Variants in LIPE observed in about 807,000 individuals in gnomAD.
LIPE encodes the protein hormone-sensitive lipase.
In LIPE, 66 loss-of-function variants were observed where a neutral mutation model predicts 88.5. The ratio of observed to expected loss-of-function variants is 0.75; its 90% CI spans 0.61 to 0.91. LIPE has a LOEUF of 0.91. LIPE is among the 40% of genes least tolerant of loss of function. The pLI is 0.00. For missense variants in LIPE, 1,346 were observed against 1,434.7 expected, an observed-to-expected ratio of 0.94 and a Z score of 1.00; for synonymous variants, 570 against 617.5, an observed-to-expected ratio of 0.92 and a Z score of 1.14.
In LIPE at chr19:42,407,296, T is replaced by C. The variant is rs759064866; in HGVS notation, c.2015A>G (p.Gln672Arg). Residue 672 changes from glutamine (Q) to arginine (R), a missense_variant, in exon 6 of 10, where the codon CAG becomes CGG. Physicochemically the swap from Gln to Arg is conservative, Grantham distance 43. Coordinates refer to ENST00000244289, the MANE Select transcript of LIPE (RefSeq NM_005357.4). The surrounding 1 kb of genome is among the most constrained non-coding windows in gnomAD (Gnocchi z 5.8). ...GGAGATGATGGGGGCGCCCAGCTCC[T>C]GGGCCCAGCTCTTGAGGTAGGGCTC... is the stretch of plus-strand genomic sequence containing the variant. ...SHEPYLKSWAQELGAPIISID... is the reference protein window; with the variant it reads ...SHEPYLKSWARELGAPIISID... 1.9e-5 allele frequency: 31 copies of C among 1,610,346 alleles called. No homozygotes were observed. Among genetic ancestry groups the C allele is most frequent in the South Asian group, 1.8e-4 (16 of 90,526 alleles).
At position 42,407,877 on chromosome 19, in the gene LIPE, C is replaced by T. The variant is rs981654843; in HGVS notation, c.1657-86G>A. The T allele has an allele frequency of 1.3e-6, 2 of 1,559,118 alleles. No individual in the cohort carries two copies. Among genetic ancestry groups the T allele is most frequent in the African/African-American group, 1.4e-5 (1 of 73,570 alleles). On this transcript the variant is annotated intron_variant, in intron 4 of 9. Coordinates refer to ENST00000244289, the MANE Select transcript of LIPE (RefSeq NM_005357.4). This position sits in a 1 kb window ranked among gnomAD's most constrained non-coding sequence, Gnocchi z 5.8. ...TCTCCCTCTGATCCCCAGTCTTTCC[C>T]CTTGTGTGCCATCCCTGGGCCTGGA...
chr19:42,405,573 A>G lies in LIPE; in HGVS notation c.2366-12T>C, dbSNP rs775333426. The G allele has an allele frequency of 5.6e-6, 9 of 1,605,630 alleles. No individual in the cohort carries two copies. Among genetic ancestry groups the G allele is most frequent in the Non-Finnish European group, 7.7e-6 (9 of 1,173,774 alleles). On this transcript the variant is annotated splice_polypyrimidine_tract_variant and intron_variant, in intron 7 of 9. Transcript: ENST00000244289. ...CTCCGTCTTTGCACCTGCAGAATAT[A>G]TGTGGGTAGCTGAGTTGTTTTCCCC...
chr19:42,410,392 C>T lies in LIPE; in HGVS notation c.1334G>A (p.Gly445Asp). 6.2e-7 allele frequency: 1 copy of T among 1,614,148 alleles called. No individual in the cohort carries two copies. Among genetic ancestry groups the T allele is most frequent in the East Asian group, 2.2e-5 (1 of 44,880 alleles). The change falls in exon 2 of 10, where the codon GGC becomes GAC. Residue 445 changes from glycine to aspartate, a missense_variant. Coordinates refer to ENST00000244289, the MANE Select transcript of LIPE (RefSeq NM_005357.4). The surrounding 1 kb of genome is among the most constrained non-coding windows in gnomAD (Gnocchi z 6.1). ...TNRPGVLFFE[G>D]DEGLTADFLR... Reference sequence around the variant, plus strand: ...GAAGTCGGCGGTGAGCCCCTCGTCGCCCTCAAAGAAGAGTACCCCCGGCCG... The same window carrying T: ...GAAGTCGGCGGTGAGCCCCTCGTCGTCCTCAAAGAAGAGTACCCCCGGCCG...
chr19:42,412,329 C>T (rs539957361), intron 1 of LIPE: 4 of 985,788 alleles, frequency 4.1e-6, no homozygotes, highest in Admixed American at 6.1e-5. Context: ...GGCCTGGCAG[C>T]GGCCATTCCC....
At chr19:42,403,452 GT>G (rs59961297) in intron 8 of LIPE, among the ~76,000 whole-genome samples, 2,918 of 141,708 alleles carry the variant, frequency 0.021, 76 homozygotes, top group African/African-American at 0.068. Context: ...ATCGTTTTTT[GT>G]TTTTTTTTTT....
intron 1 of LIPE, chr19:42,423,588 C>T: frequency 8.2e-7 from 1 of 1,213,316 alleles, no homozygotes; most frequent in Non-Finnish European, 1.0e-6. Flanking sequence ...GAGGCCCTGC[C>T]CGGAGGGCCA....
intron 1 of LIPE, among the ~76,000 whole-genome samples, chr19:42,413,274 TC>T (rs777078959): frequency 2.0e-5 from 3 of 152,206 alleles, no homozygotes; most frequent in Admixed American, 2.0e-4. Flanking sequence ...TTTGTTCATC[TC>T]CCCCAGGACA....
Position 42,410,110 on chromosome 19 carries a change from A to C in LIPE, c.1419+197T>G, listed in dbSNP as rs887631490. Among the ~76,000 whole-genome samples, 1 of 152,208 alleles carries C rather than the reference A, an allele frequency of 6.6e-6. No individual in the cohort carries two copies. Among genetic ancestry groups the C allele is most frequent in the Admixed American group, 6.5e-5 (1 of 15,290 alleles). Reference sequence around the variant, plus strand: ...AGTTGCATTTCTTACCACCTAGCAGATATGACCTAGGGACCATGAGTTTGA... The same window carrying C: ...AGTTGCATTTCTTACCACCTAGCAGCTATGACCTAGGGACCATGAGTTTGA... On this transcript the variant is annotated intron_variant, in intron 2 of 9. Transcript: ENST00000244289. This position sits in a 1 kb window ranked among gnomAD's most constrained non-coding sequence, Gnocchi z 6.1.
chr19:42,423,369 T>G (rs10422283), intron 1 of LIPE: 18 of 1,259,906 alleles, frequency 1.4e-5, no homozygotes, highest in Non-Finnish European at 1.9e-5. Context: ...CACTGCCCCG[T>G]AGGATGTACG....
intron 1 of LIPE, chr19:42,424,425 C>A (rs945382882): frequency 2.2e-6 from 1 of 456,306 alleles, no homozygotes; most frequent in East Asian, 7.0e-5. Flanking sequence ...GGCAACCTCG[C>A]CCGCCGCGGT....
At chr19:42,402,235 G>C (rs1265785099) in intron 9 of LIPE, among the ~76,000 whole-genome samples, 160 bp from the exon 10 acceptor site, 2 of 151,974 alleles carry the variant, frequency 1.3e-5, no homozygotes, top group Non-Finnish European at 1.5e-5. Flanking sequence ...GTTGGGGAGA[G>C]AATGGAGGGA....
chr19:42,409,870 G>A (rs2040317307), intron 2 of LIPE, among the ~76,000 whole-genome samples: 1 of 151,992 alleles, frequency 6.6e-6, no homozygotes, highest in Non-Finnish European at 1.5e-5. Context: ...AGCCTGAAGG[G>A]AAGCCTGGAG....
chr19:42,408,138 G>T lies in LIPE; in HGVS notation c.1511-17C>A, dbSNP rs763343660. On this transcript the variant is annotated splice_polypyrimidine_tract_variant and intron_variant, in intron 3 of 9. Coordinates refer to ENST00000244289, the MANE Select transcript of LIPE (RefSeq NM_005357.4). This position sits in a 1 kb window ranked among gnomAD's most constrained non-coding sequence, Gnocchi z 4.3. The stretch of plus-strand genomic sequence containing the variant: ...CGGCCACACCTAGGGGTCAGAAGGG[G>T]TGTCAGGGAGCCCCAGTGGGTCAGG... The T allele has an allele frequency of 6.2e-7, 1 of 1,613,986 alleles. No homozygotes were observed. Among genetic ancestry groups the T allele is most frequent in the South Asian group, 1.1e-5 (1 of 91,080 alleles).
At chr19:42,411,590 A>G (rs2040376470) in intron 1 of LIPE, among the ~76,000 whole-genome samples, 1 of 152,014 alleles carries the variant, frequency 6.6e-6, no homozygotes, top group Non-Finnish European at 1.5e-5. Context: ...GGAGTTCACA[A>G]TTCTAGACTT....
chr19:42,418,334 C>G (rs971510260), intron 1 of LIPE, among the ~76,000 whole-genome samples: 8 of 152,292 alleles, frequency 5.3e-5, no homozygotes, highest in Middle Eastern at 3.4e-3. Flanking sequence ...CAAACAGCAT[C>G]ACATGTTACA....
rs1448114900 is a variant in LIPE at position 42,408,405 on chromosome 19, G to GA, written c.1420-84dup. On this transcript the variant is annotated intron_variant, in intron 2 of 9. Coordinates refer to ENST00000244289, the MANE Select transcript of LIPE (RefSeq NM_005357.4). The surrounding 1 kb of genome is among the most constrained non-coding windows in gnomAD (Gnocchi z 4.3). ...GGAGCGAGGCACAGGGATGTGCGGG[G>GA]AAGACACATTCATTCAGTAAACGTT... is the stretch of plus-strand genomic sequence containing the variant. The GA allele has an allele frequency of 2.2e-5, 24 of 1,095,896 alleles. No homozygotes were observed. The highest frequency in any genetic ancestry group is 2.8e-5 in the Non-Finnish European group (20 of 714,800). The allele number at this position is 1,095,896 out of a possible 1,614,324, so 67.9% of individuals were successfully genotyped here. A position where few individuals can be genotyped will look rare whatever the true frequency, so the allele number is the denominator to read the frequency against.
chr19:42,412,169 GC>G, intron 1 of LIPE: 1 of 546,910 alleles, frequency 1.8e-6, no homozygotes, highest in Non-Finnish European at 2.3e-6. Context: ...CATTCAGGCT[GC>G]CCTGTTTCTT....
In LIPE at chr19:42,403,241, ATGTGTGTGTG is replaced by A. The variant is rs56983822; in HGVS notation, c.2543-220_2543-211del. Among the ~76,000 whole-genome samples, 6,052 of 91,938 alleles carry A rather than the reference ATGTGTGTGTG, an allele frequency of 0.066. 191 individuals carry two copies. Among genetic ancestry groups the A allele is most frequent in the Non-Finnish European group, 0.093 (3,998 of 42,994 alleles). 60.3% of individuals were successfully genotyped at this position (91,938 alleles called of 152,430 possible). On this transcript the variant is annotated intron_variant, in intron 8 of 9. Transcript: ENST00000244289. ...GTGGGGCAGTGTGTTCTAGTGAAGG[ATGTGTGTGTG>A]TGTGTGTGTGTGTGTGTGTGTGTGT...
At chr19:42,415,702 A>G (rs779287013) in intron 1 of LIPE, among the ~76,000 whole-genome samples, 16 of 151,532 alleles carry the variant, frequency 1.1e-4, no homozygotes, top group Non-Finnish European at 1.9e-4. Flanking sequence ...CCCAGCTACT[A>G]GGGAGGCTGA....
Sources: allele counts gnomAD v4.1 joint callset (sites outside exome capture counted in the v4.1 genomes callset), GRCh38; gene constraint gnomAD v4.1.1; non-coding constraint Gnocchi (gnomAD v3.1); transcripts MANE v1.5; gene names NCBI Gene and HGNC (gene_info 2026-07-23, HGNC 2026-07-21).